The following B4GALNT3 variants were observed in gnomAD, a reference collection of about 807,000 sequenced individuals.
B4GALNT3 encodes beta-1,4-N-acetyl-galactosaminyltransferase 3.
A neutral mutation model predicts 120.2 loss-of-function variants in B4GALNT3; 86 were observed. That is an observed-to-expected ratio of 0.72 (90% confidence interval 0.60 to 0.86). The LOEUF is 0.86. B4GALNT3 is among the 40% of genes least tolerant of loss of function. B4GALNT3 has a pLI of 0.00. For missense variants in B4GALNT3, 1,167 were observed against 1,298.9 expected (o/e 0.90, Z 1.56); for synonymous variants, 518 against 510.4 (o/e 1.01, Z -0.20).
chr12:503,869 T>C (rs1281605961), intron 1 of B4GALNT3, among the ~76,000 whole-genome samples: 1 of 152,114 alleles, frequency 6.6e-6, no homozygotes, highest in Non-Finnish European at 1.5e-5. Context: ...AACCCCAGCA[T>C]TTTGGGTGGC....
chr12:483,804 AGTTCAGAGGTACTTACCTT>A (rs1351247016), intron 1 of B4GALNT3, among the ~76,000 whole-genome samples: 6 of 152,184 alleles, frequency 3.9e-5, no homozygotes, highest in Non-Finnish European at 8.8e-5. Context: ...AGAAAATTGA[AGTTCAGAGGTACTTACCTT>A]GTTCAGAGTT....
chr12:468,861 G>T (rs1246838329), intron 1 of B4GALNT3, among the ~76,000 whole-genome samples: 1 of 152,186 alleles, frequency 6.6e-6, no homozygotes, highest in African/African-American at 2.4e-5. Flanking sequence ...ACTCTGCACA[G>T]CTCACATTCT....
At chr12:545,821 C>A (rs78897593) in intron 6 of B4GALNT3, among the ~76,000 whole-genome samples, 5,921 of 18,148 alleles carry the variant, frequency 0.33, 1,348 homozygotes, top group Middle Eastern at 0.56. Context: ...TGGGGAGGAG[C>A]GAGGAGTGGG....
At chr12:559,520 A>G in intron 19 of B4GALNT3, 99 bp downstream of exon 19, 3 of 1,532,768 alleles carry the variant, frequency 2.0e-6, no homozygotes, top group Non-Finnish European at 2.7e-6. Flanking sequence ...CCTCGGCCGC[A>G]GAGTCCCAAA....
intron 1 of B4GALNT3, among the ~76,000 whole-genome samples, chr12:515,009 C>T (rs1294196384): frequency 1.3e-5 from 2 of 152,118 alleles, no homozygotes; most frequent in Non-Finnish European, 2.9e-5. Context: ...CAGAGCAAGG[C>T]TCTGTCTCAA....
At chr12:557,783 G>A (rs1947175368) in intron 16 of B4GALNT3, 22 bp downstream of exon 16, 20 of 1,589,430 alleles carry the variant, frequency 1.3e-5, no homozygotes, top group Non-Finnish European at 1.7e-5. Context: ...CACCAGCCAG[G>A]GGGTGGCATG....
At chr12:538,052 T>C (rs1486837858) in intron 3 of B4GALNT3, among the ~76,000 whole-genome samples, 1 of 152,210 alleles carries the variant, frequency 6.6e-6, no homozygotes, top group Non-Finnish European at 1.5e-5. Flanking sequence ...GAAAAGAACT[T>C]GCTTTACAGA....
rs1171798299 is a variant in B4GALNT3, at chr12:460,439, G to A, written c.63G>A (p.Arg21=). 6.4e-7 allele frequency: 1 copy of A among 1,569,614 alleles called. No homozygotes were observed. Among genetic ancestry groups the A allele is most frequent in the Non-Finnish European group, 8.6e-7 (1 of 1,160,674 alleles). The part of the protein sequence containing the change: ...LLLRPVKLLR[R]RFRLLLALAV... ...TGCGCCCGGTGAAGCTGCTGCGGAG[G>A]CGCTTCCGGCTGCTGCTGGCGCTCG... Residue 21 remains arginine, a synonymous_variant, in exon 1 of 20, where the codon AGG becomes AGA. Coordinates refer to ENST00000266383, the MANE Select transcript of B4GALNT3 (RefSeq NM_173593.4). This position sits in a 1 kb window ranked among gnomAD's most constrained non-coding sequence, Gnocchi z 8.0.
intron 1 of B4GALNT3, among the ~76,000 whole-genome samples, chr12:481,579 C>A (rs901323393): frequency 6.6e-6 from 1 of 152,210 alleles, no homozygotes; most frequent in East Asian, 1.9e-4. Context: ...GGCAGACAGG[C>A]CCCAGTCATT....
At position 559,314 on chromosome 12, in the gene B4GALNT3, G is replaced by C; in HGVS notation, c.2781G>C (p.Gly927=). 6.2e-7 allele frequency: 1 copy of C among 1,614,066 alleles called. No homozygotes were observed. ...CCACAGGCTACTGGGAGGTGAATGG[G>C]TTCGGGCTGCTTGGCATCTACAAGT... The part of the protein sequence containing the change: ...QWPEGYWEVN[G]FGLLGIYKSD... Residue 927 remains glycine, a synonymous_variant, in exon 19 of 20, where the codon GGG becomes GGC. Transcript: ENST00000266383.
chr12:507,984 G>A (rs1946514374), intron 1 of B4GALNT3, among the ~76,000 whole-genome samples: 1 of 152,150 alleles, frequency 6.6e-6, no homozygotes, highest in South Asian at 2.1e-4. Flanking sequence ...TAGTAGCTTG[G>A]TGGACACCTG....
intron 1 of B4GALNT3, among the ~76,000 whole-genome samples, chr12:469,155 T>C (rs928525222): frequency 1.4e-4 from 22 of 152,114 alleles, no homozygotes; most frequent in Non-Finnish European, 2.5e-4. Flanking sequence ...CTGGAAAAAC[T>C]GTGGAGTCTG....
At chr12:496,980 ATCCTCCCACTCAGCT>A (rs1946395022) in intron 1 of B4GALNT3, among the ~76,000 whole-genome samples, 1 of 151,720 alleles carries the variant, frequency 6.6e-6, no homozygotes, top group South Asian at 2.1e-4. Context: ...GGCTCAAGGG[ATCCTCCCACTCAGCT>A]TCCTTCACTT....
intron 1 of B4GALNT3, among the ~76,000 whole-genome samples, chr12:523,716 C>T (rs1946734478): frequency 6.6e-6 from 1 of 152,188 alleles, no homozygotes; most frequent in Admixed American, 6.5e-5. Context: ...TGATTTTTGG[C>T]ATTGGGATAA....
Position 548,172 on chromosome 12 carries a change from C to A in B4GALNT3, c.787-59C>A. ...ACTCATCTCCCCTTGTCCCTTGACC[C>A]CTGTTGGAAATCCAGCTACCTCCCA... On this transcript the variant is annotated intron_variant, in intron 8 of 19. Transcript: ENST00000266383. This position sits in a 1 kb window ranked among gnomAD's most constrained non-coding sequence, Gnocchi z 4.9. The A allele has an allele frequency of 6.2e-7, 1 of 1,607,840 alleles. No homozygotes were observed. Among genetic ancestry groups the A allele is most frequent in the Non-Finnish European group, 8.5e-7 (1 of 1,174,276 alleles).
At chr12:486,009 G>T (rs1218435252) in intron 1 of B4GALNT3, among the ~76,000 whole-genome samples, 2 of 152,090 alleles carry the variant, frequency 1.3e-5, no homozygotes, top group Non-Finnish European at 2.9e-5. Flanking sequence ...AACCTAAACT[G>T]TAATTGATGA....
chr12:466,969 A>G (rs551825053), intron 1 of B4GALNT3, among the ~76,000 whole-genome samples: 1 of 152,290 alleles, frequency 6.6e-6, no homozygotes, highest in African/African-American at 2.4e-5. Context: ...GAGTATTACC[A>G]GTACCCCAGT....
At chr12:536,177 C>T (rs1225049021) in intron 2 of B4GALNT3, 41 bp from the exon 3 acceptor site, 8 of 1,557,744 alleles carry the variant, frequency 5.1e-6, no homozygotes, top group Non-Finnish European at 7.1e-6. Flanking sequence ...AGCTTCTCAT[C>T]CTAATATTCC....
At position 556,650 on chromosome 12, in the gene B4GALNT3, G is replaced by A. The variant is rs778851588; in HGVS notation, c.2164G>A (p.Val722Met). The A allele has an allele frequency of 1.3e-5, 21 of 1,613,918 alleles. No individual in the cohort carries two copies. The highest frequency in any genetic ancestry group is 5.3e-5 in the African/African-American group (4 of 74,934). ...ELELLEQGQR[V>M]VRLSEYVSAR... ...TGAACTGTTGGAACAAGGCCAGCGC[G>A]TGGTGCGGCTCTCGGAGTATGTGTC... The change falls in exon 15 of 20, where the codon GTG becomes ATG. Residue 722 changes from valine to methionine, a missense_variant. Physicochemically the swap from Val to Met is conservative, Grantham distance 21. This residue lies in a region of B4GALNT3 where 983 missense variants were observed against 1,102.5 expected (regional missense o/e 0.89). Transcript: ENST00000266383.
Sources: allele counts gnomAD v4.1 joint callset (sites outside exome capture counted in the v4.1 genomes callset), GRCh38; gene constraint gnomAD v4.1.1; regional missense constraint gnomAD v4.1.1; non-coding constraint Gnocchi (gnomAD v3.1); transcripts MANE v1.5; gene names NCBI Gene and HGNC (gene_info 2026-07-23, HGNC 2026-07-21).